Variants in DIS3 observed in about 807,000 individuals in gnomAD.
DIS3 encodes the protein exosome complex exonuclease RRP44.
In DIS3, 103 loss-of-function variants were observed where a neutral mutation model predicts 113.0. The observed-to-expected ratio is 0.91, with a 90% CI of 0.78 to 1.07. DIS3 has a LOEUF of 1.07. DIS3 is among the 50% of genes least tolerant of loss of function. DIS3 has a pLI of 0.00. For synonymous variants in DIS3, 402 were observed against 394.3 expected (o/e 1.02, Z -0.23); for missense variants, 1,121 against 1,167.1 (o/e 0.96, Z 0.58).
In DIS3 at chr13:72,780,964, C is replaced by G; in HGVS notation, c.268G>C (p.Val90Leu). The G allele has an allele frequency of 6.2e-7, 1 of 1,612,342 alleles. No homozygotes were observed. Among genetic ancestry groups the G allele is most frequent in the Non-Finnish European group, 8.5e-7 (1 of 1,179,646 alleles). ...LEDPAIRNVI[V>L]LQTVLQEVRN... Reference sequence around the variant, plus strand: ...ACTTCTTGAAGAACTGTTTGTAGCACAATTACATTCCTGATGGCAGGGTCC... The same window carrying G: ...ACTTCTTGAAGAACTGTTTGTAGCAGAATTACATTCCTGATGGCAGGGTCC... Residue 90 changes from valine to leucine, a missense_variant, in exon 2 of 21, where the codon GTG becomes CTG. Val to Leu is a conservative substitution (Grantham distance 32). Around this residue, in one of 3 missense-constraint regions of DIS3, gnomAD observed 254 missense variants for 232.2 expected, o/e 1.09. Transcript: ENST00000377767.
At chr13:72,776,465 T>C (rs1466712116) in intron 4 of DIS3, among the ~76,000 whole-genome samples, 3 of 152,174 alleles carry the variant, frequency 2.0e-5, no homozygotes, top group Non-Finnish European at 4.4e-5. Flanking sequence ...AACCCAACTT[T>C]TATCTTCTCA....
In DIS3 at chr13:72,771,002, TAC is replaced by T. The variant is rs2033873187; in HGVS notation, c.1671-16_1671-15del. On this transcript the variant is annotated splice_polypyrimidine_tract_variant and intron_variant, in intron 12 of 20. Transcript: ENST00000377767. The stretch of plus-strand genomic sequence containing the variant: ...GAAAATGCCAGCCTGTGAAGGAAAA[TAC>T]AGAGTATTTGTTAATGGGAATCAGG... The T allele has an allele frequency of 6.2e-7, 1 of 1,607,854 alleles. No individual in the cohort carries two copies. Among genetic ancestry groups the T allele is most frequent in the East Asian group, 2.2e-5 (1 of 44,694 alleles).
chr13:72,768,585 A>G (rs1308959980), intron 14 of DIS3, among the ~76,000 whole-genome samples, 200 bp downstream of exon 14: 2 of 152,228 alleles, frequency 1.3e-5, no homozygotes, highest in Non-Finnish European at 2.9e-5. Context: ...CAGAGGTTAC[A>G]GTCAGCCGAG....
rs532975697 is a variant in DIS3 at position 72,765,864 on chromosome 13, C to A, written c.1970+108G>T. 205 of 751,126 alleles carry A rather than the reference C, an allele frequency of 2.7e-4. 1 individual carries two copies. The African/African-American group carries it at 3.1e-3, about 11-fold the overall frequency. The allele number at this position is 751,126 out of a possible 1,614,324, so 46.5% of individuals were successfully genotyped here. ...AAGCCAAATAAAGTAGAAATCATGACCCTAATCATTATTTTGTATATAAAC... is the reference window on the plus strand; with the variant it reads ...AAGCCAAATAAAGTAGAAATCATGAACCTAATCATTATTTTGTATATAAAC... On this transcript the variant is annotated intron_variant, in intron 15 of 20. Coordinates refer to ENST00000377767, the MANE Select transcript of DIS3 (RefSeq NM_014953.5).
chr13:72,780,665 T>C (rs917110597), intron 2 of DIS3, among the ~76,000 whole-genome samples, 181 bp downstream of exon 2: 1 of 152,174 alleles, frequency 6.6e-6, no homozygotes, highest in Non-Finnish European at 1.5e-5. Context: ...AGCCCATCAA[T>C]GCCTGTGTGA....
At position 72,767,427 on chromosome 13, in the gene DIS3, T is replaced by C. The variant is rs150159404; in HGVS notation, c.1883+1358A>G. On this transcript the variant is annotated intron_variant, in intron 14 of 20. Coordinates refer to ENST00000377767, the MANE Select transcript of DIS3 (RefSeq NM_014953.5). Reference sequence around the variant, plus strand: ...CACACAAAAAAATTCAATTATCTTCTTCTTATATACAAGTGACAAGCTTGA... The same window carrying C: ...CACACAAAAAAATTCAATTATCTTCCTCTTATATACAAGTGACAAGCTTGA... Among the ~76,000 whole-genome samples the C allele has an allele frequency of 5.1e-3, 783 of 152,350 alleles. 9 individuals carry two copies. The highest frequency in any genetic ancestry group is 0.017 in the African/African-American group (707 of 41,574).
intron 5 of DIS3, among the ~76,000 whole-genome samples, 161 bp downstream of exon 5, chr13:72,775,764 C>G (rs1416771455): frequency 3.3e-5 from 5 of 150,518 alleles, no homozygotes; most frequent in Non-Finnish European, 7.4e-5. Flanking sequence ...AACTACCTGA[C>G]AAATTGTGAG....
rs745652936 is a variant in DIS3 at position 72,761,498 on chromosome 13, T to G, written c.2535A>C (p.Ile845=). Residue 845 remains isoleucine (I), a synonymous_variant, in exon 19 of 21, where the codon ATA becomes ATC. Transcript: ENST00000377767. ...HTQLFFKSKG[I]VSEEAYILFV... ...ATAAAATATAGGCTTCTTCACTTAC[T>G]ATTCCTTTGCTTTTGAAGAATAACT... 13 of 1,589,946 alleles carry G rather than the reference T, an allele frequency of 8.2e-6. No individual in the cohort carries two copies. In the East Asian group the frequency reaches 2.9e-4, roughly 36 times the overall value.
chr13:72,781,121 T>A, intron 1 of DIS3, 118 bp from the exon 2 acceptor site: 1 of 1,347,458 alleles, frequency 7.4e-7, no homozygotes. Context: ...CTGAATAAGT[T>A]AAGCCAAGAA....
At position 72,757,423 on chromosome 13, in the gene DIS3, CT is replaced by C. The variant is rs1198618507; in HGVS notation, c.*2371del. On this transcript the variant is annotated 3_prime_UTR_variant, in exon 21 of 21. Coordinates refer to ENST00000377767, the MANE Select transcript of DIS3 (RefSeq NM_014953.5). ...CACCACACCTGGCTAATTTTCTTTTCTTTTTTTTTTTTTTTTTTTGCGATGG... is the reference window on the plus strand; with the variant it reads ...CACCACACCTGGCTAATTTTCTTTTCTTTTTTTTTTTTTTTTTTGCGATGG... 36 of 68,484 alleles carry C rather than the reference CT, an allele frequency of 5.3e-4. No homozygotes were observed. The highest frequency in any genetic ancestry group is 3.1e-3 in the East Asian group (8 of 2,576). 4.2% of individuals were successfully genotyped at this position (68,484 alleles called of 1,614,324 possible).
At chr13:72,769,286 G>C (rs2033829369) in intron 13 of DIS3, among the ~76,000 whole-genome samples, 1 of 152,084 alleles carries the variant, frequency 6.6e-6, no homozygotes, top group African/African-American at 2.4e-5. Context: ...CTTTCCAGAT[G>C]ATCATTATTC....
intron 20 of DIS3, among the ~76,000 whole-genome samples, chr13:72,760,098 AT>A (rs1199208605): frequency 6.6e-6 from 1 of 152,198 alleles, no homozygotes; most frequent in East Asian, 1.9e-4. Context: ...GGTGAGAAGC[AT>A]GTCATTTAGG....
At chr13:72,772,334 T>A in intron 9 of DIS3, 59 bp from the exon 10 acceptor site, 1 of 1,261,998 alleles carries the variant, frequency 7.9e-7, no homozygotes, top group Non-Finnish European at 1.1e-6. Context: ...TACAACATAT[T>A]AATAGCTCTT....
Position 72,755,084 on chromosome 13 carries a change from C to A in DIS3, c.*4711G>T. Reference sequence around the variant, plus strand: ...CGTGCTTTTAGGTTTTAAAAACAGTCCCGATAATTGCATCCTCCAGTGGTC... The same window carrying A: ...CGTGCTTTTAGGTTTTAAAAACAGTACCGATAATTGCATCCTCCAGTGGTC... On this transcript the variant is annotated 3_prime_UTR_variant, in exon 21 of 21. Coordinates refer to ENST00000377767, the MANE Select transcript of DIS3 (RefSeq NM_014953.5). The A allele has an allele frequency of 7.4e-7, 1 of 1,356,212 alleles. No individual in the cohort carries two copies. Among genetic ancestry groups the A allele is most frequent in the South Asian group, 1.2e-5 (1 of 84,616 alleles). The allele number at this position is 1,356,212 out of a possible 1,614,324, so 84.0% of individuals were successfully genotyped here. A position where few individuals can be genotyped will look rare whatever the true frequency, so the allele number is the denominator to read the frequency against.
chr13:72,777,727 A>G (rs2034051221), intron 3 of DIS3, among the ~76,000 whole-genome samples: 1 of 150,524 alleles, frequency 6.6e-6, no homozygotes, highest in Non-Finnish European at 1.5e-5. Context: ...AGCTGGGACT[A>G]TAGTTACATA....
rs2034007935 is a variant in DIS3 at position 72,775,972 on chromosome 13, A to G, written c.775T>C (p.Leu259=). ...CCATGAATCCATACTGTAGCTTCCAAGTAATTTTCCCTGCTAGCTCTAAAT... is the reference window on the plus strand; with the variant it reads ...CCATGAATCCATACTGTAGCTTCCAGGTAATTTTCCCTGCTAGCTCTAAAT... ...GTFRASRENY[L]EATVWIHGDN... is the part of the protein sequence containing the mutation. Residue 259 remains leucine, a synonymous_variant, in exon 5 of 21, where the codon TTG becomes CTG. Coordinates refer to ENST00000377767, the MANE Select transcript of DIS3 (RefSeq NM_014953.5). 1 of 1,611,446 alleles carries G rather than the reference A, an allele frequency of 6.2e-7. No individual in the cohort carries two copies. Among genetic ancestry groups the G allele is most frequent in the Non-Finnish European group, 8.5e-7 (1 of 1,179,234 alleles).
At chr13:72,770,097 GCTGA>G (rs1187101140) in intron 13 of DIS3, among the ~76,000 whole-genome samples, 1 of 152,154 alleles carries the variant, frequency 6.6e-6, no homozygotes, top group African/African-American at 2.4e-5. Context: ...TGGTGTACCT[GCTGA>G]CTTTTAAAAC....
At position 72,781,790 on chromosome 13, in the gene DIS3, C is replaced by T; in HGVS notation, c.43G>A (p.Gly15Ser). The T allele has an allele frequency of 6.2e-7, 1 of 1,604,934 alleles. No individual in the cohort carries two copies. Among genetic ancestry groups the T allele is most frequent in the Non-Finnish European group, 8.5e-7 (1 of 1,175,642 alleles). ...KTFLKKTRAGGVMKIVREHYL... is the reference protein window; with the variant it reads ...KTFLKKTRAGSVMKIVREHYL... ...TGCTCGCGCACGATCTTCATCACGC[C>T]GCCCGCCCGGGTCTTTTTTAAGAAC... The change falls in exon 1 of 21, where the codon GGC becomes AGC. Residue 15 changes from glycine to serine, a missense_variant. Physicochemically the swap from Gly to Ser is moderately conservative, Grantham distance 56 (BLOSUM62 0). This residue lies in a region of DIS3 where 254 missense variants were observed against 232.2 expected (regional missense o/e 1.09). Transcript: ENST00000377767.
At chr13:72,777,084 T>A (rs2034034120) in intron 4 of DIS3, among the ~76,000 whole-genome samples, 1 of 152,206 alleles carries the variant, frequency 6.6e-6, no homozygotes, top group East Asian at 1.9e-4. Context: ...TCCCTCTTCT[T>A]TCCTCTGTCT....
Sources: gnomAD v4.1 joint callset for allele counts (sites outside exome capture counted in the v4.1 genomes callset) on GRCh38, gnomAD v4.1.1 for gene constraint, gnomAD v4.1.1 regional missense constraint, MANE v1.5 for transcripts, NCBI Gene and HGNC (gene_info 2026-07-23, HGNC 2026-07-21) for gene names.